ITGB5: variants seen among roughly 807,000 people sequenced by gnomAD.
The protein encoded by ITGB5 is integrin beta-5.
ITGB5 carries 38 observed loss-of-function variants against 84.8 expected under a neutral mutation model. The observed-to-expected ratio is 0.45, with a 90% CI of 0.35 to 0.59. ITGB5 has a LOEUF of 0.59. Among genes scored for constraint, ITGB5 ranks in the 20% least tolerant of loss-of-function variants. The pLI, the probability that ITGB5 is intolerant of heterozygous loss-of-function variation, is 0.01. For missense variants in ITGB5, 905 were observed against 1,034.5 expected, an observed-to-expected ratio of 0.87 and a Z score of 1.72; for synonymous variants, 393 against 414.4, an observed-to-expected ratio of 0.95 and a Z score of 0.63.
intron 9 of ITGB5, among the ~76,000 whole-genome samples, chr3:124,806,632 T>C (rs566290861): frequency 3.0e-4 from 46 of 151,778 alleles, no homozygotes; most frequent in African/African-American, 1.1e-3. Flanking sequence ...AGAGACGGGG[T>C]TTCACCGTGT....
chr3:124,797,965 G>T (rs527654360), intron 9 of ITGB5, among the ~76,000 whole-genome samples: 11 of 151,732 alleles, frequency 7.2e-5, no homozygotes, highest in Non-Finnish European at 1.0e-4. Context: ...TTTTCAAAAG[G>T]CTCCTCAGAT....
chr3:124,844,776 C>G (rs1435017786), intron 4 of ITGB5, among the ~76,000 whole-genome samples: 1 of 152,180 alleles, frequency 6.6e-6, no homozygotes, highest in African/African-American at 2.4e-5. Context: ...CAGAAAAACT[C>G]CAGCTACTGG....
At chr3:124,810,821 C>T (rs980432468) in intron 8 of ITGB5, among the ~76,000 whole-genome samples, 8 of 152,126 alleles carry the variant, frequency 5.3e-5, no homozygotes, top group Admixed American at 3.3e-4. Flanking sequence ...GACGGCCCTG[C>T]GGATTCCCTC....
At chr3:124,860,087 C>T (rs2065275539) in intron 2 of ITGB5, among the ~76,000 whole-genome samples, 1 of 152,150 alleles carries the variant, frequency 6.6e-6, no homozygotes, top group African/African-American at 2.4e-5. Context: ...AACAATGTGG[C>T]AGTACAGGTC....
chr3:124,899,520 G>A lies in ITGB5; in HGVS notation c.-255+1746C>T, dbSNP rs373144431. On this transcript the variant is annotated intron_variant, in intron 1 of 4. Coordinates refer to the ITGB5 transcript ENST00000608657. The stretch of plus-strand genomic sequence containing the variant: ...AGCCTTCACACAAGATAGAAAAGCT[G>A]GAGGGTTCCCAAACAAAGAGGAAGT... Among the ~76,000 whole-genome samples the A allele has an allele frequency of 2.0e-4, 31 of 152,158 alleles. No homozygotes were observed. In the East Asian group the frequency reaches 4.1e-3, roughly 20 times the overall value.
intron 5 of ITGB5, among the ~76,000 whole-genome samples, chr3:124,837,175 G>A (rs1167624451): frequency 1.3e-5 from 2 of 152,206 alleles, no homozygotes; most frequent in Non-Finnish European, 2.9e-5. Context: ...AGAGCTTCCA[G>A]GCAACTGCTC....
intron 1 of ITGB5, among the ~76,000 whole-genome samples, chr3:124,874,306 G>GAAA (rs59287818): frequency 9.7e-5 from 11 of 113,328 alleles, no homozygotes; most frequent in South Asian, 2.8e-4. Flanking sequence ...TCAAAAGCCG[G>GAAA]AAAAAAAAAA....
At chr3:124,829,161 T>TTCCTTTCTGCTTATC (rs1174267541) in intron 5 of ITGB5, among the ~76,000 whole-genome samples, 1 of 152,244 alleles carries the variant, frequency 6.6e-6, no homozygotes, top group East Asian at 1.9e-4. Flanking sequence ...TGATGCTTAT[T>TTCCTTTCTGCTTATC]TCCTTTCTGC....
intron 1 of ITGB5, among the ~76,000 whole-genome samples, chr3:124,898,289 C>G (rs567216689): frequency 6.6e-6 from 1 of 150,996 alleles, no homozygotes; most frequent in Non-Finnish European, 1.5e-5. Context: ...GACAGATACT[C>G]TATTATGGAA....
At chr3:124,774,488 C>A (rs2063894154) in intron 10 of ITGB5, among the ~76,000 whole-genome samples, 4 of 151,998 alleles carry the variant, frequency 2.6e-5, no homozygotes, top group South Asian at 2.1e-4. Flanking sequence ...CCAAGGAATG[C>A]GAGGAATGCA....
At chr3:124,776,489 C>T (rs2063928696) in intron 10 of ITGB5, among the ~76,000 whole-genome samples, 1 of 152,202 alleles carries the variant, frequency 6.6e-6, no homozygotes, top group South Asian at 2.1e-4. Flanking sequence ...TTGTGCAGTG[C>T]ACATACATAT....
intron 2 of ITGB5, among the ~76,000 whole-genome samples, chr3:124,868,461 C>T (rs1207339004): frequency 6.6e-6 from 1 of 151,674 alleles, no homozygotes; most frequent in Non-Finnish European, 1.5e-5. Flanking sequence ...AAGTCTGAAA[C>T]CCTCAGGTAA....
intron 2 of ITGB5, chr3:124,862,129 C>T (rs1354745754): frequency 2.6e-5 from 4 of 152,334 alleles, no homozygotes; most frequent in Non-Finnish European, 5.9e-5. Flanking sequence ...TTCTCACTGG[C>T]GAACTGAGCC....
chr3:124,790,425 T>A (rs955219957), intron 10 of ITGB5, among the ~76,000 whole-genome samples: 1 of 135,574 alleles, frequency 7.4e-6, no homozygotes, highest in African/African-American at 2.8e-5. Flanking sequence ...GACAGGGTTA[T>A]CAGAACCGCC....
In ITGB5 at chr3:124,769,120, A is replaced by C. The variant is rs575906412; in HGVS notation, c.1917-7T>G. The C allele has an allele frequency of 2.5e-6, 4 of 1,612,160 alleles. No individual in the cohort carries two copies. The South Asian group carries it at 4.4e-5, about 18-fold the overall frequency. ...CAGGCACTCGACGCAATCTCTTTGG[A>C]AAAGAGGAGATAAAGGTGGGTGTCA... On this transcript the variant is annotated splice_polypyrimidine_tract_variant and splice_region_variant and intron_variant, in intron 11 of 14. Transcript: ENST00000296181.
intron 2 of ITGB5, among the ~76,000 whole-genome samples, chr3:124,865,448 A>ATAGAAAGT (rs1330057161): frequency 1.3e-5 from 2 of 151,564 alleles, no homozygotes; most frequent in Non-Finnish European, 1.5e-5. Context: ...CAGAATGGCA[A>ATAGAAAGT]TAGAAAGTTG....
chr3:124,872,043 C>T lies in ITGB5; in HGVS notation c.156+1403G>A, dbSNP rs1403165092. Reference sequence around the variant, plus strand: ...GATGATGGTAGGAGGAAGGCAAGAGCCACAGAGCTTGGATCTGCCCTGCAG... The same window carrying T: ...GATGATGGTAGGAGGAAGGCAAGAGTCACAGAGCTTGGATCTGCCCTGCAG... On this transcript the variant is annotated intron_variant, in intron 2 of 14. Transcript: ENST00000296181. 2.6e-5 allele frequency among the ~76,000 whole-genome samples: 4 copies of T among 151,924 alleles called. No individual in the cohort carries two copies. In the East Asian group the frequency reaches 7.8e-4, roughly 29 times the overall value.
chr3:124,850,299 A>G (rs1273581649), intron 3 of ITGB5, among the ~76,000 whole-genome samples: 1 of 152,098 alleles, frequency 6.6e-6, no homozygotes, highest in Non-Finnish European at 1.5e-5. Flanking sequence ...CTTGAAATAT[A>G]AAATGGAAGT....
Position 124,764,540 on chromosome 3 carries a change from T to G in ITGB5, c.2155A>C (p.Asn719His), listed in dbSNP as rs1280389878. 6.2e-7 allele frequency: 1 copy of G among 1,612,362 alleles called. No individual in the cohort carries two copies. The highest frequency in any genetic ancestry group is 2.2e-5 in the East Asian group (1 of 44,830). The change falls in exon 14 of 15, where the codon AAC becomes CAC. Residue 719 changes from asparagine to histidine, a missense_variant. Physicochemically the swap from Asn to His is moderately conservative, Grantham distance 68. Around this residue, in one of 3 missense-constraint regions of ITGB5, gnomAD observed 133 missense variants for 122.8 expected, o/e 1.08. Coordinates refer to ENST00000296181, the MANE Select transcript of ITGB5 (RefSeq NM_002213.5). ...ACAGCCAGGAGGATGGTCATGGCGT[T>G]GGGGGTGTTTCCACACTCTGGGGGG... ...LREPECGNTP[N>H]AMTILLAVVG... is the part of the protein sequence containing the mutation.
Sources: gnomAD v4.1 joint callset for allele counts (sites outside exome capture counted in the v4.1 genomes callset) on GRCh38, gnomAD v4.1.1 for gene constraint, gnomAD v4.1.1 regional missense constraint, MANE v1.5 for transcripts, NCBI Gene and HGNC (gene_info 2026-07-23, HGNC 2026-07-21) for gene names.